ZSCAN23: variants seen among roughly 807,000 people sequenced by gnomAD.
ZSCAN23 encodes the protein zinc finger and SCAN domain containing 23.
Under a neutral mutation model 19.3 loss-of-function variants are expected in ZSCAN23, and 19 were observed. That is an observed-to-expected ratio of 0.99 (90% CI 0.69 to 1.45). ZSCAN23 has a LOEUF of 1.45. Ranked by LOEUF, ZSCAN23 falls within the 40% of genes most tolerant of loss-of-function variation. The pLI is 0.00. For synonymous variants in ZSCAN23, 140 were observed against 166.2 expected, an observed-to-expected ratio of 0.84 and a Z score of 1.21; for missense variants, 372 against 462.5, an observed-to-expected ratio of 0.80 and a Z score of 1.79.
chr6:28,438,707 G>A (rs546596424), intron 1 of ZSCAN23, among the ~76,000 whole-genome samples: 1 of 152,232 alleles, frequency 6.6e-6, no homozygotes, highest in South Asian at 2.1e-4. Flanking sequence ...CACCAGAATA[G>A]CATGAAGGTA....
downstream of ZSCAN23, among the ~76,000 whole-genome samples, chr6:28,428,393 ACCTG>A (rs1350052168): frequency 4.6e-5 from 7 of 152,286 alleles, no homozygotes; most frequent in African/African-American, 1.7e-4. Flanking sequence ...TAATCCAAAA[ACCTG>A]CCTATTTATC....
the ZSCAN23 span, among the ~76,000 whole-genome samples, chr6:28,425,168 A>T: frequency 1.3e-5 from 2 of 152,218 alleles, no homozygotes; most frequent in African/African-American, 4.8e-5. Context: ...AATGAGCAGT[A>T]ATATTTCGAA....
downstream of ZSCAN23, among the ~76,000 whole-genome samples, chr6:28,430,102 TCTC>T (rs1761732019): frequency 7.9e-6 from 1 of 126,796 alleles, no homozygotes; most frequent in East Asian, 3.2e-4. Context: ...TGGGCTGACT[TCTC>T]TCTCTCCCCT....
chr6:28,438,328 C>G (rs188505371), intron 1 of ZSCAN23, among the ~76,000 whole-genome samples: 1 of 152,090 alleles, frequency 6.6e-6, no homozygotes, highest in African/African-American at 2.4e-5. Context: ...AACTCCTGAC[C>G]GCAGATGATC....
chr6:28,435,144 C>T (rs1186633522), intron 3 of ZSCAN23, 66 bp from the exon 4 acceptor site: 21 of 1,454,110 alleles, frequency 1.4e-5, no homozygotes, highest in Non-Finnish European at 1.9e-5. Context: ...TTTCCAAAGA[C>T]AAAAGAAAAA....
chr6:28,437,305 G>T (rs1761912948), intron 1 of ZSCAN23, among the ~76,000 whole-genome samples: 2 of 152,146 alleles, frequency 1.3e-5, no homozygotes, highest in African/African-American at 2.4e-5. Context: ...AAGGTGGAGA[G>T]TAGGCAATTT....
At chr6:28,430,567 A>G (rs1761743615), downstream of ZSCAN23, among the ~76,000 whole-genome samples, 1 of 152,104 alleles carries the variant, frequency 6.6e-6, no homozygotes, top group Non-Finnish European at 1.5e-5. Context: ...GAGTAACTTA[A>G]CCACTAGCAA....
chr6:28,438,909 T>C (rs764782706), intron 1 of ZSCAN23, among the ~76,000 whole-genome samples: 4 of 152,198 alleles, frequency 2.6e-5, no homozygotes, highest in Non-Finnish European at 4.4e-5. Context: ...TTGTGATTAT[T>C]GGTTATATTT....
the ZSCAN23 span, among the ~76,000 whole-genome samples, chr6:28,425,958 C>A: frequency 1.3e-5 from 2 of 152,190 alleles, no homozygotes; most frequent in Non-Finnish European, 2.9e-5. Flanking sequence ...ATGAAGCAAC[C>A]TCTGCTAGCT....
At chr6:28,442,799 G>A (rs1762027687) in intron 1 of ZSCAN23, among the ~76,000 whole-genome samples, 1 of 152,168 alleles carries the variant, frequency 6.6e-6, no homozygotes, top group African/African-American at 2.4e-5. Context: ...CTTCTTGTAT[G>A]TTAATTTTAA....
chr6:28,429,548 T>G (rs1395591048), downstream of ZSCAN23, among the ~76,000 whole-genome samples: 1 of 152,166 alleles, frequency 6.6e-6, no homozygotes, highest in East Asian at 1.9e-4. Flanking sequence ...GGAAGCCAGC[T>G]TTTGGCCATA....
At chr6:28,424,587 A>G in the ZSCAN23 span, among the ~76,000 whole-genome samples, 2 of 152,218 alleles carry the variant, frequency 1.3e-5, no homozygotes, top group African/African-American at 4.8e-5. Flanking sequence ...GTGACATTCT[A>G]AATTCTTTGC....
chr6:28,423,545 G>C, the ZSCAN23 span, among the ~76,000 whole-genome samples: 1 of 152,146 alleles, frequency 6.6e-6, no homozygotes, highest in Non-Finnish European at 1.5e-5. Flanking sequence ...GTGTATCACT[G>C]GTCTCCACCA....
chr6:28,424,967 C>A, the ZSCAN23 span, among the ~76,000 whole-genome samples: 1 of 152,184 alleles, frequency 6.6e-6, no homozygotes, highest in Non-Finnish European at 1.5e-5. Flanking sequence ...TGCTCAGATC[C>A]ATCAGAGGAA....
intron 1 of ZSCAN23, among the ~76,000 whole-genome samples, chr6:28,438,073 T>C (rs1451381104): frequency 6.6e-6 from 1 of 151,172 alleles, no homozygotes; most frequent in African/African-American, 2.4e-5. Context: ...ATAACCCTAC[T>C]CTATTCTGTT....
At chr6:28,428,875 T>C (rs1761702806), downstream of ZSCAN23, among the ~76,000 whole-genome samples, 1 of 152,206 alleles carries the variant, frequency 6.6e-6, no homozygotes, top group African/African-American at 2.4e-5. Flanking sequence ...AAATTTTCTT[T>C]ATGTGCTGTG....
chr6:28,421,474 G>A, the ZSCAN23 span, among the ~76,000 whole-genome samples: 4 of 152,008 alleles, frequency 2.6e-5, no homozygotes, highest in South Asian at 6.2e-4. Context: ...TTTGGGACCC[G>A]TAATGGATTA....
At chr6:28,435,398 G>T in intron 3 of ZSCAN23, 62 bp downstream of exon 3, 1 of 1,522,066 alleles carries the variant, frequency 6.6e-7, no homozygotes, top group Non-Finnish European at 8.8e-7. Flanking sequence ...CTAAATAAAT[G>T]GGTTGAATTG....
At chr6:28,435,345 T>C in intron 3 of ZSCAN23, 115 bp downstream of exon 3, 1 of 1,373,020 alleles carries the variant, frequency 7.3e-7, no homozygotes, top group Non-Finnish European at 9.8e-7. Flanking sequence ...TGTTTATCAC[T>C]GTATCCCTGG....
Sources: gnomAD v4.1 joint callset for allele counts (sites outside exome capture counted in the v4.1 genomes callset) on GRCh38, gnomAD v4.1.1 for gene constraint, MANE v1.5 for transcripts, NCBI Gene and HGNC (gene_info 2026-07-23, HGNC 2026-07-21) for gene names.